The following IL34 variants were observed in gnomAD, a reference collection of about 807,000 sequenced individuals.
The protein encoded by IL34 is interleukin 34, also known as interleukin-34.
Under a neutral mutation model 25.3 loss-of-function variants are expected in IL34, and 17 were observed. The ratio of observed to expected loss-of-function variants is 0.67; its 90% CI spans 0.46 to 1.01. The LOEUF is 1.01. IL34 is among the 50% of genes least tolerant of loss of function. The probability of loss-of-function intolerance (pLI) is 0.00; values close to 1 mark genes in which losing one functional copy is unlikely to be tolerated. For synonymous variants in IL34, 174 were observed against 140.9 expected (o/e 1.23, Z -1.66); for missense variants, 368 against 312.9 (o/e 1.18, Z -1.33).
At chr16:70,620,621 C>T (rs530725008) in intron 1 of IL34, among the ~76,000 whole-genome samples, 3 of 152,060 alleles carry the variant, frequency 2.0e-5, no homozygotes, top group South Asian at 4.2e-4. Flanking sequence ...AGATTTGGTA[C>T]GAGTTGCATT....
chr16:70,656,415 A>G lies in IL34; in HGVS notation c.163-187A>G, dbSNP rs555723912. Among the ~76,000 whole-genome samples, 861 of 152,268 alleles carry G rather than the reference A, an allele frequency of 5.7e-3. 10 individuals are homozygous for G. Among genetic ancestry groups the G allele is most frequent in the African/African-American group, 0.019 (796 of 41,568 alleles). ...ACACCTGTAGTCCCACCTACTTGGG[A>G]GGCTGAGGTGGAAGGATTGCTTGAG... On this transcript the variant is annotated intron_variant, in intron 2 of 5. Coordinates refer to ENST00000288098, the MANE Select transcript of IL34 (RefSeq NM_001393494.1).
chr16:70,660,260 T>G lies in IL34; in HGVS notation c.*73T>G. On this transcript the variant is annotated 3_prime_UTR_variant, in exon 6 of 6. Coordinates refer to ENST00000288098, the MANE Select transcript of IL34 (RefSeq NM_001393494.1). Reference sequence around the variant, plus strand: ...CAGGAGTTCAACTGGGTCTGAGACTTCAAGGGGTGGTGGTGGGAGCCCCCC... The same window carrying G: ...CAGGAGTTCAACTGGGTCTGAGACTGCAAGGGGTGGTGGTGGGAGCCCCCC... The G allele has an allele frequency of 7.3e-7, 1 of 1,378,848 alleles. No homozygotes were observed. Among genetic ancestry groups the G allele is most frequent in the Non-Finnish European group, 9.7e-7 (1 of 1,030,438 alleles). The allele number at this position is 1,378,848 out of a possible 1,614,324, so 85.4% of individuals were successfully genotyped here.
At chr16:70,585,367 G>A (rs1423569936) in intron 1 of IL34, among the ~76,000 whole-genome samples, 1 of 152,166 alleles carries the variant, frequency 6.6e-6, no homozygotes, top group Non-Finnish European at 1.5e-5. Context: ...GAGACCACAG[G>A]CAAGTGCTAC....
intron 1 of IL34, among the ~76,000 whole-genome samples, chr16:70,620,721 AT>A (rs2051263637): frequency 8.6e-6 from 1 of 116,270 alleles, no homozygotes; most frequent in Non-Finnish European, 1.9e-5. Context: ...AACAAGAATT[AT>A]TTAGATTTGC....
At chr16:70,638,747 TA>T (rs1007301359) in intron 1 of IL34, among the ~76,000 whole-genome samples, 1 of 151,524 alleles carries the variant, frequency 6.6e-6, no homozygotes, top group Non-Finnish European at 1.5e-5. Flanking sequence ...TCTAGCTAAT[TA>T]AAAAAAAATT....
Position 70,596,879 on chromosome 16 carries a change from G to A in IL34, c.-401+16830G>A, listed in dbSNP as rs536621368. On this transcript the variant is annotated intron_variant, in intron 1 of 6. Transcript: ENST00000429149. ...TGGGATTACAGGCATGAGCCACCGC[G>A]ACCAGCCTCATTTCCATTTTACAGA... 3.3e-5 allele frequency among the ~76,000 whole-genome samples: 5 copies of A among 152,070 alleles called. No homozygotes were observed. In the South Asian group the frequency reaches 6.2e-4, roughly 19 times the overall value.
At chr16:70,620,272 T>C (rs1303702465) in intron 1 of IL34, among the ~76,000 whole-genome samples, 2 of 151,970 alleles carry the variant, frequency 1.3e-5, no homozygotes, top group Non-Finnish European at 2.9e-5. Context: ...TGGATTTTTA[T>C]ACTTGATGAA....
upstream of IL34, among the ~76,000 whole-genome samples, chr16:70,645,897 AC>A (rs2051915027): frequency 6.6e-6 from 1 of 152,100 alleles, no homozygotes; most frequent in Non-Finnish European, 1.5e-5. Context: ...TACTAAAAAT[AC>A]AAAAATTAGC....
chr16:70,645,776 G>A (rs542215263), upstream of IL34, among the ~76,000 whole-genome samples: 10 of 152,270 alleles, frequency 6.6e-5, 1 homozygote, highest in South Asian at 1.5e-3. Context: ...AGTCCTGGCC[G>A]GGTGCGGTGG....
intron 1 of IL34, among the ~76,000 whole-genome samples, chr16:70,640,363 A>G (rs1386074656): frequency 1.3e-5 from 2 of 151,994 alleles, no homozygotes; most frequent in African/African-American, 2.4e-5. Flanking sequence ...CCTTGTGTCA[A>G]CTGTAATCAC....
intron 1 of IL34, among the ~76,000 whole-genome samples, chr16:70,633,700 C>A (rs749746617): frequency 6.6e-6 from 1 of 152,130 alleles, no homozygotes; most frequent in African/African-American, 2.4e-5. Flanking sequence ...AATCCAAGAT[C>A]AAGGTGTTGG....
intron 1 of IL34, among the ~76,000 whole-genome samples, chr16:70,591,676 C>A (rs562268710): frequency 1.7e-4 from 26 of 152,146 alleles, no homozygotes; most frequent in Non-Finnish European, 3.2e-4. Context: ...TGTCATTTAC[C>A]TCTGTGCCAG....
chr16:70,619,456 G>A (rs2051232548), intron 1 of IL34, among the ~76,000 whole-genome samples: 3 of 152,108 alleles, frequency 2.0e-5, no homozygotes. Flanking sequence ...CTGGGCAGGT[G>A]GGGATAACTA....
intron 1 of IL34, among the ~76,000 whole-genome samples, chr16:70,630,946 A>G (rs749901561): frequency 1.2e-4 from 19 of 152,162 alleles, no homozygotes; most frequent in Non-Finnish European, 2.4e-4. Flanking sequence ...ATAGTGCTGC[A>G]ATAAACATGG....
chr16:70,648,957 G>A (rs1480005265), intron 1 of IL34, among the ~76,000 whole-genome samples: 3 of 152,102 alleles, frequency 2.0e-5, no homozygotes, highest in Admixed American at 6.5e-5. Context: ...TTGTCTTTGC[G>A]TGGCCTTTCC....
At chr16:70,655,668 A>C (rs1343925921) in intron 2 of IL34, among the ~76,000 whole-genome samples, 1 of 152,202 alleles carries the variant, frequency 6.6e-6, no homozygotes, top group Non-Finnish European at 1.5e-5. Flanking sequence ...CTGGGATTAT[A>C]GGTGTGAGCC....
At chr16:70,594,994 G>A (rs1202889071) in intron 1 of IL34, among the ~76,000 whole-genome samples, 6 of 140,058 alleles carry the variant, frequency 4.3e-5, no homozygotes, top group African/African-American at 8.1e-5. Flanking sequence ...TCCCTCTGTC[G>A]CCCAGGCTGG....
At chr16:70,628,103 AT>A (rs2051436024) in intron 1 of IL34, among the ~76,000 whole-genome samples, 1 of 151,994 alleles carries the variant, frequency 6.6e-6, no homozygotes, top group African/African-American at 2.4e-5. Flanking sequence ...CAACACTTGG[AT>A]TTTTTTGGTC....
chr16:70,651,493 A>G (rs1019033136), intron 1 of IL34, among the ~76,000 whole-genome samples: 1 of 152,208 alleles, frequency 6.6e-6, no homozygotes, highest in African/African-American at 2.4e-5. Context: ...TATGGGGTAC[A>G]GGGCTTGAGG....
Sources: allele counts gnomAD v4.1 joint callset (sites outside exome capture counted in the v4.1 genomes callset), GRCh38; gene constraint gnomAD v4.1.1; transcripts MANE v1.5; gene names NCBI Gene and HGNC (gene_info 2026-07-23, HGNC 2026-07-21).